HGS: variants seen among roughly 807,000 people sequenced by gnomAD.
The protein encoded by HGS is human growth factor-regulated tyrosine kinase substrate.
In HGS, 63 loss-of-function variants were observed where a neutral mutation model predicts 109.7. That is an observed-to-expected ratio of 0.57 (90% CI 0.47 to 0.71). HGS has a LOEUF of 0.71. HGS is among the 30% of genes least tolerant of loss of function. The probability of loss-of-function intolerance (pLI) is 0.00; values close to 1 mark genes in which losing one functional copy is unlikely to be tolerated. For synonymous variants in HGS, 546 were observed against 437.3 expected (o/e 1.25, Z -3.10); for missense variants, 995 against 1,068.3 (o/e 0.93, Z 0.96).
chr17:81,690,564 G>A lies in HGS; in HGVS notation c.469-110G>A, dbSNP rs554017450. The A allele has an allele frequency of 1.2e-4, 127 of 1,103,574 alleles. No homozygotes were observed. In the African/African-American group the frequency reaches 1.7e-3, roughly 15 times the overall value. The allele number at this position is 1,103,574 out of a possible 1,614,324, so 68.4% of individuals were successfully genotyped here. A position where few individuals can be genotyped will look rare whatever the true frequency, so the allele number is the denominator to read the frequency against. ...GCCGCCCGGGGCATTGCTCTCGCTC[G>A]TGCTGGGGTCCTCTCTGGGTCCGTT... On this transcript the variant is annotated intron_variant, in intron 6 of 21. Coordinates refer to ENST00000329138, the MANE Select transcript of HGS (RefSeq NM_004712.5).
Position 81,693,910 on chromosome 17 carries a change from C to T in HGS, c.881C>T (p.Pro294Leu), listed in dbSNP as rs774428799. 7 of 1,611,718 alleles carry T rather than the reference C, an allele frequency of 4.3e-6. No homozygotes were observed. Among genetic ancestry groups the T allele is most frequent in the Non-Finnish European group, 5.9e-6 (7 of 1,179,820 alleles). Residue 294 changes from proline to leucine, a missense_variant, in exon 11 of 22, where the codon CCC becomes CTC. Coordinates refer to ENST00000329138, the MANE Select transcript of HGS (RefSeq NM_004712.5). ...TACACTTCGTACCCCAAGGCGGAGC[C>T]CATGCCCTCGGCCTCCTCAGCGCCC... ...STYTSYPKAE[P>L]MPSASSAPPA...
intron 1 of HGS, among the ~76,000 whole-genome samples, chr17:81,685,229 A>G (rs1257109502): frequency 6.6e-6 from 1 of 152,202 alleles, no homozygotes; most frequent in Non-Finnish European, 1.5e-5. Context: ...GGGGACTCCA[A>G]GGGACGGGTG....
intron 8 of HGS, chr17:81,692,378 T>A (rs1346780505): frequency 6.6e-6 from 1 of 152,186 alleles, no homozygotes; most frequent in Non-Finnish European, 1.5e-5. Flanking sequence ...GGCTCCCACC[T>A]GCTTAGGTTC....
rs553863998 is a variant in HGS, at chr17:81,700,133, G to A, written c.1883-334G>A. 3.9e-5 allele frequency among the ~76,000 whole-genome samples: 6 copies of A among 152,066 alleles called. No homozygotes were observed. The East Asian group carries it at 7.8e-4, about 20-fold the overall frequency. ...TGTAATCCCAGCACTTTGGGAGGCCGAGGCGGGCGGATCACAAGGTCAGGA... is the reference window on the plus strand; with the variant it reads ...TGTAATCCCAGCACTTTGGGAGGCCAAGGCGGGCGGATCACAAGGTCAGGA... On this transcript the variant is annotated intron_variant, in intron 18 of 21. Coordinates refer to ENST00000329138, the MANE Select transcript of HGS (RefSeq NM_004712.5).
At chr17:81,684,404 C>A in intron 1 of HGS, 1 of 315,142 alleles carries the variant, frequency 3.2e-6, no homozygotes, top group Non-Finnish European at 5.8e-6. Flanking sequence ...TCTTGACCGA[C>A]GAGCACCCGG....
chr17:81,696,797 T>A, intron 17 of HGS, 27 bp from the exon 18 acceptor site: 1 of 1,602,944 alleles, frequency 6.2e-7, no homozygotes, highest in South Asian at 1.1e-5. Flanking sequence ...GAGGACCAAC[T>A]CTCACCGCTG....
chr17:81,700,492 G>C lies in HGS; in HGVS notation c.1908G>C (p.Met636Ile). The C allele has an allele frequency of 6.3e-7, 1 of 1,598,178 alleles. No homozygotes were observed. Residue 636 changes from methionine (M) to isoleucine (I), a missense_variant, in exon 19 of 22, where the codon ATG becomes ATC. Around this residue, in one of 6 missense-constraint regions of HGS, gnomAD observed 326 missense variants for 309.7 expected, o/e 1.05. Transcript: ENST00000329138. ...AADPSMVSAY[M>I]YPAGATGAQA... Reference sequence around the variant, plus strand: ...ATCCCAGCATGGTGAGTGCCTACATGTACCCAGCAGGGGCCACTGGGGCGC... The same window carrying C: ...ATCCCAGCATGGTGAGTGCCTACATCTACCCAGCAGGGGCCACTGGGGCGC...
chr17:81,700,969 T>C, intron 20 of HGS, 76 bp from the exon 21 acceptor site: 1 of 1,547,312 alleles, frequency 6.5e-7, no homozygotes, highest in South Asian at 1.1e-5. Flanking sequence ...CACCTTTGGA[T>C]TGTTGCAAGC....
chr17:81,696,995 G>A lies in HGS; in HGVS notation c.1879G>A (p.Ala627Thr). Residue 627 changes from alanine (A) to threonine (T), a missense_variant, in exon 18 of 22, where the codon GCT (alanine) becomes ACT (threonine). Ala to Thr is a moderately conservative substitution (Grantham distance 58, BLOSUM62 0). Transcript: ENST00000329138. ...CTACCCCAGCATGCCCAGCACTGCG[G>A]CTGGTAAGGACGGGTCGGGGCAGAG... ...GPYPSMPSTA[A>T]DPSMVSAYMY... 6.3e-7 allele frequency: 1 copy of A among 1,585,256 alleles called. No individual in the cohort carries two copies. The highest frequency in any genetic ancestry group is 8.6e-7 in the Non-Finnish European group (1 of 1,168,866).
intron 4 of HGS, among the ~76,000 whole-genome samples, chr17:81,688,193 C>G (rs1322053352): frequency 6.6e-6 from 1 of 151,550 alleles, no homozygotes; most frequent in South Asian, 2.1e-4. Context: ...AGACGCGAGG[C>G]CAGGCTGCGC....
intron 14 of HGS, 41 bp from the exon 15 acceptor site, chr17:81,695,745 G>T: frequency 6.3e-7 from 1 of 1,595,494 alleles, no homozygotes; most frequent in South Asian, 1.1e-5. Flanking sequence ...AGGCTGGCTG[G>T]GGCGTGGCCG....
chr17:81,684,066 C>T lies in HGS; in HGVS notation c.-1C>T, dbSNP rs146058677. ...GCGTCGGGTTTGGGCTGGAGGTCGC[C>T]ATGGGGCGAGGCAGCGGCACCTTCG... On this transcript the variant is annotated 5_prime_UTR_variant, in exon 1 of 22. Coordinates refer to ENST00000329138, the MANE Select transcript of HGS (RefSeq NM_004712.5). 259 of 1,594,388 alleles carry T rather than the reference C, an allele frequency of 1.6e-4. No homozygotes were observed. The African/African-American group carries it at 3.1e-3, about 19-fold the overall frequency.
chr17:81,693,892 C>T lies in HGS; in HGVS notation c.863C>T (p.Ser288Leu), dbSNP rs757034358. ...ERLRQKSTYT[S>L]YPKAEPMPSA... is the part of the protein sequence containing the mutation. ...CAGAGACAGAAGTCCACGTACACTT[C>T]GTACCCCAAGGCGGAGCCCATGCCC... is the stretch of plus-strand genomic sequence containing the variant. Residue 288 changes from serine to leucine, a missense_variant, in exon 11 of 22, where the codon TCG becomes TTG. Ser to Leu is a moderately radical substitution (Grantham distance 145). Coordinates refer to ENST00000329138, the MANE Select transcript of HGS (RefSeq NM_004712.5). 1.9e-5 allele frequency: 30 copies of T among 1,610,756 alleles called. No individual in the cohort carries two copies. In the South Asian group the frequency reaches 2.3e-4, roughly 12 times the overall value.
rs1278244802 is a variant in HGS, at chr17:81,684,040, G to T, written c.-27G>T. 7.6e-6 allele frequency: 12 copies of T among 1,585,390 alleles called. No individual in the cohort carries two copies. Among genetic ancestry groups the T allele is most frequent in the Non-Finnish European group, 1.0e-5 (12 of 1,169,184 alleles). ...CAGCTCGTAGCAGGGGAGCGCCCGC[G>T]GCGTCGGGTTTGGGCTGGAGGTCGC... On this transcript the variant is annotated 5_prime_UTR_variant, in exon 1 of 22. Coordinates refer to ENST00000329138, the MANE Select transcript of HGS (RefSeq NM_004712.5).
Position 81,691,121 on chromosome 17 carries a change from G to C in HGS, c.538-326G>C. 4.7e-6 allele frequency: 2 copies of C among 426,436 alleles called. No individual in the cohort carries two copies. Among genetic ancestry groups the C allele is most frequent in the Non-Finnish European group, 8.5e-6 (2 of 234,228 alleles). The allele number at this position is 426,436 out of a possible 1,614,324, so 26.4% of individuals were successfully genotyped here. ...CCCCTCCAGGCTGGCAACCGGCAGTGCTTGGGGTTTGGGGTGTCAGCAGCT... is the reference window on the plus strand; with the variant it reads ...CCCCTCCAGGCTGGCAACCGGCAGTCCTTGGGGTTTGGGGTGTCAGCAGCT... On this transcript the variant is annotated intron_variant, in intron 7 of 21. Transcript: ENST00000329138. This position sits in a 1 kb window ranked among gnomAD's most constrained non-coding sequence, Gnocchi z 5.3.
rs779851379 is a variant in HGS at position 81,695,074 on chromosome 17, G to T, written c.1119+7G>T. On this transcript the variant is annotated splice_region_variant and intron_variant, in intron 13 of 21. Coordinates refer to ENST00000329138, the MANE Select transcript of HGS (RefSeq NM_004712.5). ...CCCCACCAACGTGGTGGAGGTGAGG[G>T]GGCCACTCCCGGCATTCCTAGTGGC... 5 of 1,612,570 alleles carry T rather than the reference G, an allele frequency of 3.1e-6. No homozygotes were observed. The highest frequency in any genetic ancestry group is 4.2e-6 in the Non-Finnish European group (5 of 1,178,838).
intron 4 of HGS, 101 bp downstream of exon 4, chr17:81,687,196 G>C (rs117328322): frequency 0.012 from 9,598 of 796,922 alleles, 81 homozygotes; most frequent in Non-Finnish European, 0.016. Context: ...AGGTGTGGCG[G>C]AAAATGTGCA....
chr17:81,691,742 C>T lies in HGS; in HGVS notation c.662+171C>T. On this transcript the variant is annotated intron_variant, in intron 8 of 21. Transcript: ENST00000329138. The surrounding 1 kb of genome is among the most constrained non-coding windows in gnomAD (Gnocchi z 5.3). ...GTGGCCGCATGCCCTCGGACCCTGC[C>T]CCACACTAGGGCAGGTGGGTGTGAG... 1.3e-6 allele frequency: 1 copy of T among 753,628 alleles called. No individual in the cohort carries two copies. Among genetic ancestry groups the T allele is most frequent in the Non-Finnish European group, 2.1e-6 (1 of 471,360 alleles). The allele number at this position is 753,628 out of a possible 1,614,324, so 46.7% of individuals were successfully genotyped here.
intron 14 of HGS, among the ~76,000 whole-genome samples, chr17:81,695,470 G>C (rs1011485176): frequency 2.6e-5 from 4 of 152,244 alleles, no homozygotes; most frequent in African/African-American, 9.6e-5. Context: ...ATATTCCAGA[G>C]CAGCCTAGAA....
Sources: gnomAD v4.1 joint callset for allele counts (sites outside exome capture counted in the v4.1 genomes callset) on GRCh38, gnomAD v4.1.1 for gene constraint, gnomAD v4.1.1 regional missense constraint, Gnocchi (gnomAD v3.1) non-coding constraint, MANE v1.5 for transcripts, NCBI Gene and HGNC (gene_info 2026-07-23, HGNC 2026-07-21) for gene names.